Variants in SH3BP2 observed in about 807,000 individuals in gnomAD.
The protein encoded by SH3BP2 is SH3 domain-binding protein 2.
SH3BP2 carries 38 observed loss-of-function variants against 56.2 expected under a neutral mutation model. The observed-to-expected ratio is 0.68, with a 90% CI of 0.52 to 0.89. The LOEUF is 0.89. SH3BP2 is among the 40% of genes least tolerant of loss of function. The probability of loss-of-function intolerance (pLI) is 0.00; values close to 1 mark genes in which losing one functional copy is unlikely to be tolerated. For missense variants in SH3BP2, 748 were observed against 762.6 expected (o/e 0.98, Z 0.23); for synonymous variants, 346 against 316.7 (o/e 1.09, Z -0.98).
At chr4:2,825,753 G>A (rs1242718832) in intron 5 of SH3BP2, among the ~76,000 whole-genome samples, 1 of 152,258 alleles carries the variant, frequency 6.6e-6, no homozygotes, top group African/African-American at 2.4e-5. Flanking sequence ...GCCTGGCATG[G>A]CAGCAGCTGG....
At chr4:2,824,241 CAG>C (rs1384475330) in intron 3 of SH3BP2, among the ~76,000 whole-genome samples, 3 of 152,170 alleles carry the variant, frequency 2.0e-5, no homozygotes, top group Non-Finnish European at 4.4e-5. Context: ...TGCTGGGCCT[CAG>C]GGGCACGGAG....
chr4:2,817,292 T>C (rs997861535), intron 1 of SH3BP2, among the ~76,000 whole-genome samples: 5 of 150,672 alleles, frequency 3.3e-5, no homozygotes, highest in African/African-American at 1.2e-4. Flanking sequence ...GGAGAGGAAG[T>C]GGAGGGGGTT....
In SH3BP2 at chr4:2,833,732, T is replaced by G. The variant is rs141684274; in HGVS notation, c.1584T>G (p.Phe528Leu). 1 of 1,609,956 alleles carries G rather than the reference T, an allele frequency of 6.2e-7. No individual in the cohort carries two copies. The highest frequency in any genetic ancestry group is 1.7e-5 in the Admixed American group (1 of 59,632). ...SKFYLEGEVL[F>L]VSVGSMVEHY... ...TCTACCTGGAGGGCGAGGTCCTGTTTGTGAGTGTGGGCAGCATGGTGGAGC... is the reference window on the plus strand; with the variant it reads ...TCTACCTGGAGGGCGAGGTCCTGTTGGTGAGTGTGGGCAGCATGGTGGAGC... The change falls in exon 13 of 13, where the codon TTT becomes TTG. Residue 528 changes from phenylalanine (F) to leucine (L), a missense_variant. This residue lies in a region of SH3BP2 where 635 missense variants were observed against 615.0 expected (regional missense o/e 1.03). Transcript: ENST00000503393.
At chr4:2,832,464 A>C in intron 11 of SH3BP2, 52 bp downstream of exon 11, 1 of 1,406,108 alleles carries the variant, frequency 7.1e-7, no homozygotes, top group Non-Finnish European at 1.0e-6. Flanking sequence ...CCACACACCC[A>C]GGCTGTGGGT....
chr4:2,833,149 A>G (rs1173720596), intron 12 of SH3BP2, 100 bp downstream of exon 12: 38 of 1,060,692 alleles, frequency 3.6e-5, no homozygotes, highest in Non-Finnish European at 2.6e-5. Flanking sequence ...GTAGACTGAG[A>G]CTGGCACCTC....
At chr4:2,820,551 C>A in intron 1 of SH3BP2, 63 bp from the exon 2 acceptor site, 4 of 1,605,482 alleles carry the variant, frequency 2.5e-6, no homozygotes, top group Non-Finnish European at 3.4e-6. Flanking sequence ...CCCCTGAGCG[C>A]CCTGGCTCAG....
intron 1 of SH3BP2, chr4:2,796,359 C>T: frequency 9.2e-6 from 9 of 973,460 alleles, no homozygotes; most frequent in Non-Finnish European, 1.1e-5. Flanking sequence ...CCCCAACCTT[C>T]TCTCTTCTCC....
chr4:2,836,919 G>A lies in SH3BP2; in HGVS notation c.*3085G>A, dbSNP rs1198806032. On this transcript the variant is annotated 3_prime_UTR_variant, in exon 13 of 13. Coordinates refer to ENST00000503393, the MANE Select transcript of SH3BP2 (RefSeq NM_001122681.2). ...CTCAGTTCTGGGGCTTGGGAAAAGGGCCCCAGTGGCTTTGGGAAGCACCCC... is the reference window on the plus strand; with the variant it reads ...CTCAGTTCTGGGGCTTGGGAAAAGGACCCCAGTGGCTTTGGGAAGCACCCC... The A allele has an allele frequency of 6.6e-6, 1 of 152,238 alleles. No individual in the cohort carries two copies. The highest frequency in any genetic ancestry group is 1.5e-5 in the Non-Finnish European group (1 of 68,046). 9.4% of individuals were successfully genotyped at this position (152,238 alleles called of 1,614,324 possible).
At chr4:2,800,278 A>G (rs904252490) in intron 1 of SH3BP2, among the ~76,000 whole-genome samples, 1 of 152,134 alleles carries the variant, frequency 6.6e-6, no homozygotes, top group African/African-American at 2.4e-5. Flanking sequence ...TCTGGCAGAC[A>G]GTGGCATGGT....
At position 2,831,872 on chromosome 4, in the gene SH3BP2, G is replaced by A. The variant is rs746394633; in HGVS notation, c.1351-51G>A. 7 of 1,591,012 alleles carry A rather than the reference G, an allele frequency of 4.4e-6. No individual in the cohort carries two copies. The highest frequency in any genetic ancestry group is 1.3e-5 in the African/African-American group (1 of 74,464). On this transcript the variant is annotated intron_variant, in intron 9 of 12. Transcript: ENST00000503393. The surrounding 1 kb of genome is among the most constrained non-coding windows in gnomAD (Gnocchi z 4.1). The stretch of plus-strand genomic sequence containing the variant: ...GGTGGCCACCGTCCGGGGAGTGGTG[G>A]TGCGGGTGGATCACTCCGACGTTGG...
intron 1 of SH3BP2, among the ~76,000 whole-genome samples, chr4:2,802,485 T>TA (rs1491336114): frequency 2.7e-5 from 4 of 150,564 alleles, no homozygotes; most frequent in Admixed American, 2.0e-4. Flanking sequence ...TGTATATATA[T>TA]GTGTATATGT....
chr4:2,832,205 C>T (rs944143441), intron 10 of SH3BP2, 126 bp from the exon 11 acceptor site: 54 of 1,027,348 alleles, frequency 5.3e-5, no homozygotes, highest in Middle Eastern at 4.0e-4. Context: ...GGCAGCCCGA[C>T]GTGCTCAGCT....
intron 2 of SH3BP2, among the ~76,000 whole-genome samples, 190 bp from the exon 3 acceptor site, chr4:2,822,745 T>G (rs1243748847): frequency 2.0e-5 from 3 of 152,174 alleles, no homozygotes; most frequent in Non-Finnish European, 4.4e-5. Context: ...GCCTACAATT[T>G]TTTCCGTATT....
rs367809628 is a variant in SH3BP2 at position 2,827,590 on chromosome 4, C to G, written c.518-16C>G. ...TGGGCCGGTTTGGCTCTCACCACCC[C>G]CCTCTCCCCATGCAGACTATGAGCA... is the stretch of plus-strand genomic sequence containing the variant. On this transcript the variant is annotated splice_polypyrimidine_tract_variant and intron_variant, in intron 6 of 12. Transcript: ENST00000503393. 2.7e-5 allele frequency: 43 copies of G among 1,581,894 alleles called. No homozygotes were observed. Among genetic ancestry groups the G allele is most frequent in the South Asian group, 1.8e-4 (16 of 86,716 alleles).
chr4:2,825,196 G>C lies in SH3BP2; in HGVS notation c.428G>C (p.Ser143Thr), dbSNP rs1159038325. The change falls in exon 5 of 13, where the codon AGC becomes ACC. Residue 143 changes from serine (S) to threonine (T), a missense_variant and splice_region_variant. Transcript: ENST00000503393. The part of the protein sequence containing the change: ...HEKKDLPLDT[S>T]DSSSDTDSFY... ...AAGAAAGACCTGCCCTTGGACACCAGGTGAGCCCGGGCCCAGGGCATACCG... is the reference window on the plus strand; with the variant it reads ...AAGAAAGACCTGCCCTTGGACACCACGTGAGCCCGGGCCCAGGGCATACCG... The C allele has an allele frequency of 1.3e-6, 2 of 1,575,378 alleles. No individual in the cohort carries two copies. The highest frequency in any genetic ancestry group is 2.3e-5 in the South Asian group (2 of 86,104).
intron 1 of SH3BP2, among the ~76,000 whole-genome samples, chr4:2,815,302 C>G (rs889956113): frequency 7.9e-5 from 12 of 152,218 alleles, no homozygotes; most frequent in Non-Finnish European, 2.9e-5. Context: ...ATGGCCCCTC[C>G]TCTGGAGAGG....
chr4:2,796,572 C>T (rs1723069947), intron 1 of SH3BP2: 1 of 589,752 alleles, frequency 1.7e-6, no homozygotes, highest in African/African-American at 2.0e-5. Flanking sequence ...GAGCAGTTGC[C>T]TGGGGAGATC....
chr4:2,826,966 T>G, intron 5 of SH3BP2: 1 of 635,858 alleles, frequency 1.6e-6, no homozygotes. Flanking sequence ...CACGTGTGCA[T>G]TTGTGTGTTT....
At chr4:2,816,396 A>G (rs1391004009) in intron 1 of SH3BP2, among the ~76,000 whole-genome samples, 1 of 152,252 alleles carries the variant, frequency 6.6e-6, no homozygotes, top group Non-Finnish European at 1.5e-5. Context: ...AAATAATCTA[A>G]TCAGTGAATA....
Sources: gnomAD v4.1 joint callset for allele counts (sites outside exome capture counted in the v4.1 genomes callset) on GRCh38, gnomAD v4.1.1 for gene constraint, gnomAD v4.1.1 regional missense constraint, Gnocchi (gnomAD v3.1) non-coding constraint, MANE v1.5 for transcripts, NCBI Gene and HGNC (gene_info 2026-07-23, HGNC 2026-07-21) for gene names.